The following ANKH variants were observed in gnomAD, a reference collection of about 807,000 sequenced individuals.
ANKH encodes ANKH inorganic pyrophosphate transport regulator.
In ANKH, 15 loss-of-function variants were observed where a neutral mutation model predicts 49.0. The observed-to-expected ratio is 0.31, with a 90% CI of 0.20 to 0.47. The LOEUF is 0.47. Ranked by LOEUF, ANKH falls within the 20% of genes least tolerant of loss-of-function variation. The pLI is 1.00. For synonymous variants in ANKH, 273 were observed against 260.0 expected, an observed-to-expected ratio of 1.05 and a Z score of -0.48; for missense variants, 429 against 652.0, an observed-to-expected ratio of 0.66 and a Z score of 3.72.
chr5:14,833,627 C>G (rs908702928), intron 1 of ANKH, among the ~76,000 whole-genome samples: 1 of 152,188 alleles, frequency 6.6e-6, no homozygotes, highest in Non-Finnish European at 1.5e-5. Context: ...ACCTCAAAGA[C>G]AAGTAGTGAT....
intron 8 of ANKH, among the ~76,000 whole-genome samples, chr5:14,729,705 C>A (rs911947709): frequency 2.0e-5 from 3 of 152,018 alleles, no homozygotes; most frequent in Non-Finnish European, 4.4e-5. Flanking sequence ...TGCCACCTTG[C>A]AATGGTGGGG....
At position 14,725,030 on chromosome 5, in the gene ANKH, C is replaced by T. The variant is rs184774829; in HGVS notation, c.1012-8195G>A. Among the ~76,000 whole-genome samples the T allele has an allele frequency of 2.4e-4, 37 of 151,840 alleles. No homozygotes were observed. The highest frequency in any genetic ancestry group is 7.8e-4 in the East Asian group (4 of 5,158). Reference sequence around the variant, plus strand: ...GGCCCTGGACATCATTTTTATTTGGCGCTTTTGCTTGAAAAAAAGGTTCAA... The same window carrying T: ...GGCCCTGGACATCATTTTTATTTGGTGCTTTTGCTTGAAAAAAAGGTTCAA... On this transcript the variant is annotated intron_variant, in intron 8 of 11. Coordinates refer to ENST00000284268, the MANE Select transcript of ANKH (RefSeq NM_054027.6). The surrounding 1 kb of genome is among the most constrained non-coding windows in gnomAD (Gnocchi z 4.0).
intron 6 of ANKH, among the ~76,000 whole-genome samples, chr5:14,747,812 C>T (rs2126477742): frequency 6.6e-6 from 1 of 152,260 alleles, no homozygotes; most frequent in Middle Eastern, 3.4e-3. Context: ...CAAAAAGGAG[C>T]ATTGGGATCG....
intron 3 of ANKH, among the ~76,000 whole-genome samples, chr5:14,757,439 T>A (rs1471200494): frequency 6.9e-6 from 1 of 145,632 alleles, no homozygotes; most frequent in Non-Finnish European, 1.5e-5. Context: ...TATTTTTTTT[T>A]TTTTTTTTTT....
At chr5:14,855,160 A>G (rs1258992829) in intron 1 of ANKH, among the ~76,000 whole-genome samples, 1 of 152,148 alleles carries the variant, frequency 6.6e-6, no homozygotes, top group Non-Finnish European at 1.5e-5. Flanking sequence ...GGGACATAGT[A>G]TTCTCTTTAG....
chr5:14,834,402 A>G (rs1173388132), intron 1 of ANKH, among the ~76,000 whole-genome samples: 1 of 152,224 alleles, frequency 6.6e-6, no homozygotes, highest in Non-Finnish European at 1.5e-5. Context: ...CCCAAAGACT[A>G]CAGGAGAAAG....
intron 4 of ANKH, among the ~76,000 whole-genome samples, chr5:14,753,978 T>C (rs1738799728): frequency 6.6e-6 from 1 of 152,242 alleles, no homozygotes; most frequent in Non-Finnish European, 1.5e-5. Flanking sequence ...TATGTTTTCA[T>C]ACCTAACAAA....
chr5:14,814,063 A>C (rs1241766122), intron 1 of ANKH, among the ~76,000 whole-genome samples: 4 of 152,202 alleles, frequency 2.6e-5, no homozygotes, highest in African/African-American at 9.6e-5. Context: ...TTCAAGGTCA[A>C]GTTCAGATGC....
At chr5:14,821,097 T>TAAAA (rs34183956) in intron 1 of ANKH, among the ~76,000 whole-genome samples, 2 of 146,910 alleles carry the variant, frequency 1.4e-5, no homozygotes, top group Non-Finnish European at 3.0e-5. Flanking sequence ...GACCCTGTCT[T>TAAAA]AAAAAAAAAA....
chr5:14,776,016 G>C (rs1035090500), intron 1 of ANKH, among the ~76,000 whole-genome samples: 1 of 152,212 alleles, frequency 6.6e-6, no homozygotes, highest in African/African-American at 2.4e-5. Flanking sequence ...GGGAAGGAAA[G>C]CAAATGGGTG....
intron 1 of ANKH, among the ~76,000 whole-genome samples, chr5:14,805,951 G>A (rs1740698698): frequency 6.6e-6 from 1 of 152,194 alleles, no homozygotes; most frequent in Non-Finnish European, 1.5e-5. Context: ...TAGCAACGAA[G>A]GAGGTGTTTT....
chr5:14,802,268 G>A (rs983250203), intron 1 of ANKH, among the ~76,000 whole-genome samples: 2 of 151,720 alleles, frequency 1.3e-5, no homozygotes, highest in Admixed American at 6.6e-5. Context: ...TCTTCTCACC[G>A]AGACTTGGCA....
intron 5 of ANKH, 66 bp downstream of exon 5, chr5:14,751,003 G>C (rs1738695250): frequency 1.9e-6 from 3 of 1,578,850 alleles, no homozygotes; most frequent in Non-Finnish European, 2.6e-6. Context: ...ATTTTACATA[G>C]AGGTGGAATA....
intron 1 of ANKH, among the ~76,000 whole-genome samples, chr5:14,847,523 T>G (rs535020910): frequency 6.6e-6 from 1 of 152,312 alleles, no homozygotes; most frequent in Admixed American, 6.5e-5. Flanking sequence ...CATTCAGGCT[T>G]CCATCAGGAT....
chr5:14,759,610 A>C (rs564646623), intron 2 of ANKH, among the ~76,000 whole-genome samples: 1 of 152,056 alleles, frequency 6.6e-6, no homozygotes, highest in East Asian at 1.9e-4. Context: ...TTTAAAAATT[A>C]GCCCGGCATG....
intron 1 of ANKH, among the ~76,000 whole-genome samples, chr5:14,808,210 T>A (rs1425693507): frequency 1.3e-5 from 2 of 152,176 alleles, no homozygotes; most frequent in African/African-American, 4.8e-5. Context: ...CCACTGTGAA[T>A]AGTTGAGCAT....
chr5:14,750,707 T>C (rs114427606), intron 5 of ANKH, among the ~76,000 whole-genome samples: 1 of 152,140 alleles, frequency 6.6e-6, no homozygotes, highest in Non-Finnish European at 1.5e-5. Flanking sequence ...TCAAACACAA[T>C]GAAATATAAA....
intron 1 of ANKH, among the ~76,000 whole-genome samples, chr5:14,840,941 A>C (rs928780145): frequency 6.6e-6 from 1 of 152,238 alleles, no homozygotes; most frequent in Non-Finnish European, 1.5e-5. Flanking sequence ...CTGCTTTACT[A>C]TACTATGCCA....
intron 2 of ANKH, among the ~76,000 whole-genome samples, chr5:14,763,623 A>G (rs867693196): frequency 1.3e-5 from 2 of 152,262 alleles, no homozygotes; most frequent in African/African-American, 2.4e-5. Context: ...TTTTAACGCA[A>G]GTACAAGAAT....
Sources: allele counts gnomAD v4.1 joint callset (sites outside exome capture counted in the v4.1 genomes callset), GRCh38; gene constraint gnomAD v4.1.1; non-coding constraint Gnocchi (gnomAD v3.1); transcripts MANE v1.5; gene names NCBI Gene and HGNC (gene_info 2026-07-23, HGNC 2026-07-21).